ASTN2: variants seen among roughly 807,000 people sequenced by gnomAD.
ASTN2 encodes astrotactin 2.
ASTN2 carries 54 observed loss-of-function variants against 139.8 expected under a neutral mutation model. That is an observed-to-expected ratio of 0.39 (90% CI 0.31 to 0.48). ASTN2 has a LOEUF of 0.48. Ranked by LOEUF, ASTN2 falls within the 20% of genes least tolerant of loss-of-function variation. ASTN2 has a pLI of 0.95. For missense variants in ASTN2, 1,565 were observed against 1,725.1 expected, an observed-to-expected ratio of 0.91 and a Z score of 1.64; for synonymous variants, 756 against 719.5, an observed-to-expected ratio of 1.05 and a Z score of -0.81.
chr9:116,530,444 A>C (rs10983220), intron 19 of ASTN2, among the ~76,000 whole-genome samples: 30,952 of 151,654 alleles, frequency 0.2, 3,310 homozygotes, highest in Non-Finnish European at 0.23. Context: ...ACTTAATAAT[A>C]TATTGTATGC....
intron 3 of ASTN2, among the ~76,000 whole-genome samples, chr9:117,211,254 G>GA (rs138984023): frequency 0.013 from 1,931 of 152,258 alleles, 32 homozygotes; most frequent in East Asian, 0.081. Flanking sequence ...CTTATTCCCA[G>GA]AAAAACCTAA....
chr9:117,283,680 C>T (rs117759168), intron 2 of ASTN2, among the ~76,000 whole-genome samples: 3,512 of 152,254 alleles, frequency 0.023, 60 homozygotes, highest in Middle Eastern at 0.037. Context: ...TAGATGTTTG[C>T]CATCCTCACA....
intron 7 of ASTN2, among the ~76,000 whole-genome samples, chr9:117,002,980 T>C (rs1837234869): frequency 6.6e-6 from 1 of 152,038 alleles, no homozygotes; most frequent in Admixed American, 6.6e-5. Flanking sequence ...GCTGAACGTG[T>C]AGGAAATAAA....
intron 4 of ASTN2, 54 bp downstream of exon 4, chr9:117,141,272 G>A (rs956344204): frequency 7.4e-7 from 1 of 1,349,952 alleles, no homozygotes; most frequent in Non-Finnish European, 9.9e-7. Flanking sequence ...TAGCATCTTT[G>A]GAATCAGAGG....
intron 6 of ASTN2, among the ~76,000 whole-genome samples, chr9:117,014,481 G>A (rs1457366240): frequency 3.3e-5 from 5 of 152,020 alleles, no homozygotes; most frequent in African/African-American, 7.2e-5. Context: ...GTCCTCCTCC[G>A]GTTATCTCTG....
chr9:117,136,550 A>C (rs1416327730), intron 4 of ASTN2, among the ~76,000 whole-genome samples: 1 of 152,194 alleles, frequency 6.6e-6, no homozygotes, highest in Non-Finnish European at 1.5e-5. Flanking sequence ...CAAGTGACAG[A>C]AAATCAGGAC....
intron 19 of ASTN2, among the ~76,000 whole-genome samples, chr9:116,543,066 T>C (rs866224961): frequency 6.6e-6 from 1 of 152,070 alleles, no homozygotes; most frequent in African/African-American, 2.4e-5. Flanking sequence ...TTATAACCTC[T>C]ACTAGATAAG....
intron 1 of ASTN2, among the ~76,000 whole-genome samples, chr9:117,329,587 C>T (rs942941856): frequency 4.6e-5 from 7 of 152,078 alleles, no homozygotes; most frequent in African/African-American, 1.7e-4. Context: ...GGAAACTCTG[C>T]TATTCTTAGT....
intron 17 of ASTN2, among the ~76,000 whole-genome samples, chr9:116,623,194 TGTGTGTGTG>T (rs1446490714): frequency 8.8e-6 from 1 of 114,042 alleles, no homozygotes; most frequent in East Asian, 2.7e-4. Flanking sequence ...TGTGTGTGTG[TGTGTGTGTG>T]TTTGGTTTTT....
chr9:117,034,997 G>A (rs1564394679), intron 6 of ASTN2, among the ~76,000 whole-genome samples: 1 of 152,142 alleles, frequency 6.6e-6, no homozygotes, highest in Non-Finnish European at 1.5e-5. Context: ...CACAAGGGCA[G>A]AATTCATTTT....
At chr9:116,731,311 A>C (rs185278211) in intron 14 of ASTN2, among the ~76,000 whole-genome samples, 1 of 152,090 alleles carries the variant, frequency 6.6e-6, no homozygotes, top group African/African-American at 2.4e-5. Context: ...AATTTGAACC[A>C]CTAATGGATA....
chr9:116,682,991 C>T lies in ASTN2; in HGVS notation c.2807-31198G>A, dbSNP rs1392819226. Among the ~76,000 whole-genome samples the T allele has an allele frequency of 2.7e-5, 4 of 150,278 alleles. No individual in the cohort carries two copies. The East Asian group carries it at 7.9e-4, about 30-fold the overall frequency. ...TGTATACATAGGTAACTAACCTGCA[C>T]ATTGTGCACATGTACCCTAAAACTT... On this transcript the variant is annotated intron_variant, in intron 16 of 22. Coordinates refer to ENST00000313400, the MANE Select transcript of ASTN2 (RefSeq NM_001365068.1).
At chr9:116,669,723 T>G (rs1472578400) in intron 16 of ASTN2, among the ~76,000 whole-genome samples, 2 of 152,214 alleles carry the variant, frequency 1.3e-5, no homozygotes, top group Non-Finnish European at 2.9e-5. Context: ...TGGCTTGTAT[T>G]CTCATTATCT....
At chr9:117,082,830 C>T (rs982207735) in intron 5 of ASTN2, among the ~76,000 whole-genome samples, 4 of 152,084 alleles carry the variant, frequency 2.6e-5, no homozygotes, top group African/African-American at 9.7e-5. Flanking sequence ...ACAAAAAACA[C>T]CCTTCATAGA....
intron 19 of ASTN2, among the ~76,000 whole-genome samples, chr9:116,517,436 C>T (rs1478952052): frequency 1.3e-5 from 2 of 152,118 alleles, no homozygotes; most frequent in African/African-American, 4.8e-5. Context: ...CTGAGGAAGC[C>T]CCATTCCTAG....
intron 16 of ASTN2, among the ~76,000 whole-genome samples, chr9:116,657,347 T>C (rs905867605): frequency 1.3e-5 from 2 of 152,220 alleles, no homozygotes; most frequent in Non-Finnish European, 1.5e-5. Context: ...AAATATTATT[T>C]GTTATTGTTG....
At chr9:116,770,867 T>C (rs1293713169) in intron 13 of ASTN2, among the ~76,000 whole-genome samples, 2 of 152,156 alleles carry the variant, frequency 1.3e-5, no homozygotes, top group Non-Finnish European at 2.9e-5. Context: ...TAATCTAGTC[T>C]CCTACCTAAA....
chr9:117,287,563 C>G (rs1050255782), intron 2 of ASTN2, among the ~76,000 whole-genome samples: 3 of 152,138 alleles, frequency 2.0e-5, no homozygotes, highest in African/African-American at 7.2e-5. Context: ...ATTTCAGATT[C>G]CTCATGTGAG....
intron 5 of ASTN2, among the ~76,000 whole-genome samples, chr9:117,057,416 G>A (rs1039412655): frequency 9.9e-5 from 15 of 152,170 alleles, no homozygotes; most frequent in African/African-American, 3.4e-4. Flanking sequence ...TAACTCAGGT[G>A]CTACACACAC....
Sources: gnomAD v4.1 joint callset for allele counts (sites outside exome capture counted in the v4.1 genomes callset) on GRCh38, gnomAD v4.1.1 for gene constraint, MANE v1.5 for transcripts, NCBI Gene and HGNC (gene_info 2026-07-23, HGNC 2026-07-21) for gene names.